Variants in ENTPD4 observed in about 807,000 individuals in gnomAD.
The protein encoded by ENTPD4 is Golgi UDPase.
A neutral mutation model predicts 79.1 loss-of-function variants in ENTPD4; 60 were observed. The observed-to-expected ratio is 0.76, with a 90% CI of 0.62 to 0.94. The LOEUF (loss-of-function observed/expected upper bound fraction) is 0.94. Ranked by LOEUF, ENTPD4 falls within the 40% of genes least tolerant of loss-of-function variation. The pLI is 0.00. For missense variants in ENTPD4, 772 were observed against 775.1 expected (o/e 1.00, Z 0.05); for synonymous variants, 276 against 292.0 (o/e 0.95, Z 0.56).
intron 1 of ENTPD4, 128 bp downstream of exon 1, chr8:23,457,429 G>C (rs1387956529): frequency 6.6e-6 from 1 of 152,176 alleles, no homozygotes; most frequent in Non-Finnish European, 1.5e-5. Flanking sequence ...AGGCGGCTGT[G>C]GGGGCCTGGG....
At chr8:23,448,276 A>G (rs1244028440) in intron 3 of ENTPD4, among the ~76,000 whole-genome samples, 1 of 152,228 alleles carries the variant, frequency 6.6e-6, no homozygotes, top group Non-Finnish European at 1.5e-5. Context: ...TGTTCATGCC[A>G]TGATGAACAT....
In ENTPD4 at chr8:23,441,566, G is replaced by A; in HGVS notation, c.882+3C>T. The A allele has an allele frequency of 6.2e-7, 1 of 1,613,734 alleles. No individual in the cohort carries two copies. Among genetic ancestry groups the A allele is most frequent in the Non-Finnish European group, 8.5e-7 (1 of 1,179,822 alleles). On this transcript the variant is annotated splice_donor_region_variant and intron_variant, in intron 8 of 12. Transcript: ENST00000358689. Reference sequence around the variant, plus strand: ...ACAGAAGGAAATTTGTACAGATAATGACCTGCTGTGAGGACGCAAAGCTTA... The same window carrying A: ...ACAGAAGGAAATTTGTACAGATAATAACCTGCTGTGAGGACGCAAAGCTTA...
Position 23,430,232 on chromosome 8 carries a change from T to G in ENTPD4, c.*2694A>C. On this transcript the variant is annotated 3_prime_UTR_variant, in exon 13 of 13. Transcript: ENST00000358689. The stretch of plus-strand genomic sequence containing the variant: ...GTGATTTGCTGCGACTGCAGACATC[T>G]CCATACGGCATAATGAACTCCCTTG... 4.1e-6 allele frequency: 4 copies of G among 985,468 alleles called. No individual in the cohort carries two copies. The highest frequency in any genetic ancestry group is 1.7e-5 in the African/African-American group (1 of 57,362). The allele number at this position is 985,468 out of a possible 1,614,324, so 61.0% of individuals were successfully genotyped here. A position where few individuals can be genotyped will look rare whatever the true frequency, so the allele number is the denominator to read the frequency against.
Position 23,430,957 on chromosome 8 carries a change from A to G in ENTPD4, c.*1969T>C. The G allele has an allele frequency of 1.0e-6, 1 of 985,398 alleles. No homozygotes were observed. Among genetic ancestry groups the G allele is most frequent in the South Asian group, 4.7e-5 (1 of 21,280 alleles). The allele number at this position is 985,398 out of a possible 1,614,324, so 61.0% of individuals were successfully genotyped here. On this transcript the variant is annotated 3_prime_UTR_variant, in exon 13 of 13. Coordinates refer to ENST00000358689, the MANE Select transcript of ENTPD4 (RefSeq NM_004901.5). Reference sequence around the variant, plus strand: ...ACTTTGACCACGAAGCGCAAATACGATGCAGGTAAATCCAGAGGCAGAGCC... The same window carrying G: ...ACTTTGACCACGAAGCGCAAATACGGTGCAGGTAAATCCAGAGGCAGAGCC...
intron 4 of ENTPD4, among the ~76,000 whole-genome samples, chr8:23,446,530 T>C (rs1351253651): frequency 3.9e-5 from 6 of 152,216 alleles, no homozygotes; most frequent in African/African-American, 1.2e-4. Flanking sequence ...TTCATGGAAA[T>C]GTACTCTGAT....
At chr8:23,438,654 G>C (rs950152275) in intron 9 of ENTPD4, among the ~76,000 whole-genome samples, 1 of 152,144 alleles carries the variant, frequency 6.6e-6, no homozygotes, top group African/African-American at 2.4e-5. Flanking sequence ...GAAAAAATAT[G>C]TTACAAATGT....
At chr8:23,444,819 C>A (rs1800737534) in intron 4 of ENTPD4, among the ~76,000 whole-genome samples, 3 of 152,190 alleles carry the variant, frequency 2.0e-5, no homozygotes, top group Admixed American at 2.0e-4. Flanking sequence ...AGCACACAGA[C>A]CTGACTGAGC....
At chr8:23,435,221 C>T (rs1454983139) in intron 11 of ENTPD4, among the ~76,000 whole-genome samples, 171 bp downstream of exon 11, 1 of 152,120 alleles carries the variant, frequency 6.6e-6, no homozygotes, top group African/African-American at 2.4e-5. Context: ...AAAAAAGATA[C>T]GGAATATGTC....
chr8:23,437,230 G>C lies in ENTPD4; in HGVS notation c.1078C>G (p.Pro360Ala). ...RLLGKQTGLT[P>A]DMPYLDPCLP... is the part of the protein sequence containing the mutation. ...CAGGGGTCCAAGTACGGCATATCAG[G>C]AGTCAGACCAGTCTGTTTACCCAGG... Residue 360 changes from proline to alanine, a missense_variant, in exon 10 of 13, where the codon CCT becomes GCT. By Grantham distance (27) the Pro-to-Ala change is conservative. Coordinates refer to ENST00000358689, the MANE Select transcript of ENTPD4 (RefSeq NM_004901.5). 1 of 1,611,596 alleles carries C rather than the reference G, an allele frequency of 6.2e-7. No individual in the cohort carries two copies. Among genetic ancestry groups the C allele is most frequent in the East Asian group, 2.2e-5 (1 of 44,848 alleles).
chr8:23,429,770 G>A lies in ENTPD4; in HGVS notation c.*3156C>T, dbSNP rs1300491527. On this transcript the variant is annotated 3_prime_UTR_variant, in exon 13 of 13. Transcript: ENST00000358689. ...GTTACTGGCCTCAGCCACCAGCAGC[G>A]TCTTCACTCCGCCCAGGTCAGAAAG... 8.1e-6 allele frequency: 8 copies of A among 985,340 alleles called. No individual in the cohort carries two copies. Among genetic ancestry groups the A allele is most frequent in the Non-Finnish European group, 9.6e-6 (8 of 829,946 alleles). The allele number at this position is 985,340 out of a possible 1,614,324, so 61.0% of individuals were successfully genotyped here.
At chr8:23,447,584 T>TCAGGGCC (rs1800783559) in intron 4 of ENTPD4, 96 bp downstream of exon 4, 1 of 986,468 alleles carries the variant, frequency 1.0e-6, no homozygotes, top group Non-Finnish European at 1.6e-6. Context: ...GAGGTTTGAC[T>TCAGGGCC]CAGGGCCATG....
intron 4 of ENTPD4, among the ~76,000 whole-genome samples, chr8:23,445,123 C>T (rs749119924): frequency 6.6e-6 from 1 of 152,216 alleles, no homozygotes; most frequent in African/African-American, 2.4e-5. Flanking sequence ...TACCTCCCTC[C>T]GAGGCCATCA....
intron 1 of ENTPD4, among the ~76,000 whole-genome samples, chr8:23,456,646 A>C (rs2117315093): frequency 6.6e-6 from 1 of 152,364 alleles, no homozygotes; most frequent in African/African-American, 2.4e-5. Context: ...CAACTACACG[A>C]ATTAGTGTTC....
intron 1 of ENTPD4, among the ~76,000 whole-genome samples, chr8:23,454,885 AT>A (rs1000386174): frequency 2.0e-5 from 3 of 152,258 alleles, no homozygotes; most frequent in African/African-American, 7.2e-5. Flanking sequence ...TTAAATGGTA[AT>A]TTGATCTTCA....
intron 5 of ENTPD4, 141 bp downstream of exon 5, chr8:23,444,315 C>T (rs1457457931): frequency 5.2e-5 from 40 of 770,024 alleles, no homozygotes; most frequent in Non-Finnish European, 5.4e-5. Context: ...GGTACTGTTA[C>T]AGACTTGAAG....
rs1800674104 is a variant in ENTPD4, at chr8:23,441,702, AC to A, written c.748del (p.Val250LeufsTer30). The A allele has an allele frequency of 1.9e-6, 3 of 1,614,002 alleles. No homozygotes were observed. Among genetic ancestry groups the A allele is most frequent in the Admixed American group, 3.3e-5 (2 of 59,996 alleles). On this transcript the variant is annotated frameshift_variant, in exon 8 of 13. Coordinates refer to ENST00000358689, the MANE Select transcript of ENTPD4 (RefSeq NM_004901.5). LOFTEE classifies it high-confidence loss of function. ...GCTGCTTTCACTTCCAGGAATGTTA[AC>A]TTCCACAACGGCCTCATCATCTAGA... The part of the protein sequence containing the change: ...IEDDDEAVVE[V>X]NIPGSESSEA...
Position 23,449,906 on chromosome 8 carries a change from A to G in ENTPD4, c.-6T>C. ...CCCATCACTTACCTCCCCATACTGAAAGGTCAGCAACAAGGCAATGCTCTG... is the reference window on the plus strand; with the variant it reads ...CCCATCACTTACCTCCCCATACTGAGAGGTCAGCAACAAGGCAATGCTCTG... On this transcript the variant is annotated 5_prime_UTR_variant, in exon 2 of 13. Coordinates refer to ENST00000358689, the MANE Select transcript of ENTPD4 (RefSeq NM_004901.5). 6.2e-7 allele frequency: 1 copy of G among 1,613,854 alleles called. No individual in the cohort carries two copies. The highest frequency in any genetic ancestry group is 8.5e-7 in the Non-Finnish European group (1 of 1,179,766).
At chr8:23,447,626 C>A (rs1327155875) in intron 4 of ENTPD4, 54 bp downstream of exon 4, 3 of 1,405,418 alleles carry the variant, frequency 2.1e-6, no homozygotes, top group Non-Finnish European at 3.0e-6. Flanking sequence ...AAAGACGCCA[C>A]AGAGAATGAA....
chr8:23,444,035 C>A lies in ENTPD4; in HGVS notation c.564-82G>T. On this transcript the variant is annotated intron_variant, in intron 5 of 12. Coordinates refer to ENST00000358689, the MANE Select transcript of ENTPD4 (RefSeq NM_004901.5). ...TTAGAAAAGGAAAAAAATAAACAAA[C>A]AAAAAACAAAACCAGGGATCTGGTA... The A allele has an allele frequency of 5.5e-6, 5 of 913,886 alleles. No individual in the cohort carries two copies. Among genetic ancestry groups the A allele is most frequent in the Admixed American group, 5.2e-5 (2 of 38,184 alleles). The allele number at this position is 913,886 out of a possible 1,614,324, so 56.6% of individuals were successfully genotyped here. A position where few individuals can be genotyped will look rare whatever the true frequency, so the allele number is the denominator to read the frequency against.
Sources: allele counts gnomAD v4.1 joint callset (sites outside exome capture counted in the v4.1 genomes callset), GRCh38; gene constraint gnomAD v4.1.1; transcripts MANE v1.5; gene names NCBI Gene and HGNC (gene_info 2026-07-23, HGNC 2026-07-21).